Variants in AKAP10 observed in about 807,000 individuals in gnomAD.
The protein encoded by AKAP10 is A-kinase anchor protein 10, mitochondrial.
A neutral mutation model predicts 80.8 loss-of-function variants in AKAP10; 24 were observed. The ratio of observed to expected loss-of-function variants is 0.30; its 90% CI spans 0.22 to 0.42. The LOEUF (loss-of-function observed/expected upper bound fraction) is 0.42. Ranked by LOEUF, AKAP10 falls within the 10% of genes least tolerant of loss-of-function variation. The pLI, the probability that AKAP10 is intolerant of heterozygous loss-of-function variation, is 1.00. For missense variants in AKAP10, 661 were observed against 794.9 expected, an observed-to-expected ratio of 0.83 and a Z score of 2.03; for synonymous variants, 291 against 277.7, an observed-to-expected ratio of 1.05 and a Z score of -0.48.
Position 19,909,908 on chromosome 17 carries a change from C to T in AKAP10, c.1887+18G>A. 1 of 1,611,236 alleles carries T rather than the reference C, an allele frequency of 6.2e-7. No individual in the cohort carries two copies. Among genetic ancestry groups the T allele is most frequent in the South Asian group, 1.1e-5 (1 of 90,592 alleles). Reference sequence around the variant, plus strand: ...CACTTATAAACAGAAATCTTTTTATCCTAAAGGTAGGATTTACCTCATCAG... The same window carrying T: ...CACTTATAAACAGAAATCTTTTTATTCTAAAGGTAGGATTTACCTCATCAG... On this transcript the variant is annotated intron_variant, in intron 13 of 14. Transcript: ENST00000225737.
intron 3 of AKAP10, among the ~76,000 whole-genome samples, chr17:19,962,076 A>G (rs1597526090): frequency 6.6e-6 from 1 of 152,136 alleles, no homozygotes; most frequent in East Asian, 1.9e-4. Context: ...TGATCATACC[A>G]CTGCACTCCA....
chr17:19,946,237 TTATATATATATATATATATATATA>T (rs1171891537), intron 5 of AKAP10, among the ~76,000 whole-genome samples: 1 of 15,184 alleles, frequency 6.6e-5, no homozygotes, highest in Non-Finnish European at 1.0e-4. Flanking sequence ...TATATATATA[TTATATATATATATATATATATATA>T]TATATATATA....
chr17:19,941,983 G>T, intron 5 of AKAP10, 73 bp from the exon 6 acceptor site: 1 of 1,337,024 alleles, frequency 7.5e-7, no homozygotes, highest in East Asian at 2.5e-5. Context: ...GAATCAACTT[G>T]GGAGTTAACA....
intron 14 of AKAP10, among the ~76,000 whole-genome samples, chr17:19,907,604 G>A (rs1411462233): frequency 6.6e-6 from 1 of 151,754 alleles, no homozygotes; most frequent in East Asian, 1.9e-4. Context: ...ATTTTTAGTA[G>A]AGAAGGGGTT....
Position 19,947,524 on chromosome 17 carries a change from A to G in AKAP10, c.878-19T>C. ...TCTATACCTGCAAGGGAAGAAGAGAACTTCAAAAACCAAAAAGCAACTTGG... is the reference window on the plus strand; with the variant it reads ...TCTATACCTGCAAGGGAAGAAGAGAGCTTCAAAAACCAAAAAGCAACTTGG... On this transcript the variant is annotated intron_variant, in intron 4 of 14. Transcript: ENST00000225737. 6.3e-7 allele frequency: 1 copy of G among 1,580,686 alleles called. No individual in the cohort carries two copies. The highest frequency in any genetic ancestry group is 8.7e-7 in the Non-Finnish European group (1 of 1,150,916).
At chr17:19,954,851 A>C (rs1427682355) in intron 4 of AKAP10, among the ~76,000 whole-genome samples, 1 of 152,048 alleles carries the variant, frequency 6.6e-6, no homozygotes, top group Non-Finnish European at 1.5e-5. Flanking sequence ...TTGCTTAGGC[A>C]AAGGGCTCTT....
rs1321932725 is a variant in AKAP10 at position 19,927,910 on chromosome 17, C to CA, written c.1642-3394dup. Among the ~76,000 whole-genome samples, 508 of 137,676 alleles carry CA rather than the reference C, an allele frequency of 3.7e-3. 2 individuals carry two copies. Among genetic ancestry groups the CA allele is most frequent in the African/African-American group, 9.6e-3 (359 of 37,370 alleles). 90.3% of individuals were successfully genotyped at this position (137,676 alleles called of 152,430 possible). A position where few individuals can be genotyped will look rare whatever the true frequency, so the allele number is the denominator to read the frequency against. On this transcript the variant is annotated intron_variant, in intron 10 of 14. Coordinates refer to ENST00000225737, the MANE Select transcript of AKAP10 (RefSeq NM_007202.4). ...GGGCAACAAGAGCAAGACTCCTTCT[C>CA]AAAAAAAAAAAGAAAAAAGAAAATC...
chr17:19,957,896 G>T, intron 4 of AKAP10, 118 bp downstream of exon 4: 2 of 1,092,866 alleles, frequency 1.8e-6, no homozygotes. Flanking sequence ...AAATTTACAA[G>T]TAGTTAGAGG....
At chr17:19,968,985 C>T (rs996312173) in intron 1 of AKAP10, among the ~76,000 whole-genome samples, 2 of 152,164 alleles carry the variant, frequency 1.3e-5, no homozygotes, top group African/African-American at 2.4e-5. Flanking sequence ...TGTATCATAT[C>T]TTATTACTTA....
chr17:19,976,140 G>C (rs1211576251), intron 1 of AKAP10, among the ~76,000 whole-genome samples: 1 of 152,222 alleles, frequency 6.6e-6, no homozygotes, highest in Non-Finnish European at 1.5e-5. Context: ...GTTACAGTTA[G>C]CAGCAGAGCT....
chr17:19,947,827 T>C (rs1364630575), intron 4 of AKAP10, among the ~76,000 whole-genome samples: 1 of 152,208 alleles, frequency 6.6e-6, no homozygotes, highest in African/African-American at 2.4e-5. Context: ...AACATCAGTT[T>C]GAAGACAGCC....
intron 10 of AKAP10, among the ~76,000 whole-genome samples, chr17:19,927,000 G>A (rs2042881593): frequency 6.6e-6 from 1 of 152,158 alleles, no homozygotes; most frequent in Admixed American, 6.5e-5. Flanking sequence ...GTGGGTGCCT[G>A]TAATCCCAGC....
At chr17:19,943,436 T>C (rs79891488) in intron 5 of AKAP10, among the ~76,000 whole-genome samples, 15 of 151,956 alleles carry the variant, frequency 9.9e-5, no homozygotes, top group African/African-American at 2.7e-4. Flanking sequence ...TATAATGAAG[T>C]CTCCACAAAA....
intron 10 of AKAP10, 117 bp downstream of exon 10, chr17:19,931,688 G>T: frequency 7.9e-7 from 1 of 1,260,474 alleles, no homozygotes; most frequent in South Asian, 1.6e-5. Flanking sequence ...ACTGTGCCTG[G>T]CTTTTATCTT....
At chr17:19,920,739 A>T (rs2042800955) in intron 11 of AKAP10, among the ~76,000 whole-genome samples, 1 of 151,142 alleles carries the variant, frequency 6.6e-6, no homozygotes, top group Non-Finnish European at 1.5e-5. Context: ...GCTACTTGGG[A>T]GGCTAAGGCA....
chr17:19,945,123 G>T (rs539362577), intron 5 of AKAP10, among the ~76,000 whole-genome samples: 18 of 152,292 alleles, frequency 1.2e-4, no homozygotes, highest in African/African-American at 4.3e-4. Flanking sequence ...TGGGATAGAG[G>T]TTTTCTCAAA....
intron 5 of AKAP10, chr17:19,947,114 G>T (rs1334284113): frequency 5.5e-6 from 2 of 364,880 alleles, no homozygotes; most frequent in Non-Finnish European, 1.0e-5. Flanking sequence ...CCATCCGGTG[G>T]TCTGTGCCGG....
chr17:19,910,031 A>G (rs1010307962), intron 12 of AKAP10, 53 bp from the exon 13 acceptor site: 125 of 1,574,882 alleles, frequency 7.9e-5, no homozygotes, highest in Middle Eastern at 1.8e-4. Context: ...TTTTACATTA[A>G]AAATGCTCTT....
At chr17:19,936,508 T>C (rs1312393277) in intron 8 of AKAP10, 78 bp from the exon 9 acceptor site, 1 of 1,392,626 alleles carries the variant, frequency 7.2e-7, no homozygotes. Flanking sequence ...CTCCAGAGAA[T>C]CTTATACAAG....
Sources: gnomAD v4.1 joint callset for allele counts (sites outside exome capture counted in the v4.1 genomes callset) on GRCh38, gnomAD v4.1.1 for gene constraint, MANE v1.5 for transcripts, NCBI Gene and HGNC (gene_info 2026-07-23, HGNC 2026-07-21) for gene names.